CACNA1E: variants seen among roughly 807,000 people sequenced by gnomAD.
CACNA1E encodes the protein calcium voltage-gated channel subunit alpha1 E.
A neutral mutation model predicts 259.2 loss-of-function variants in CACNA1E; 40 were observed. The ratio of observed to expected loss-of-function variants is 0.15; its 90% CI spans 0.12 to 0.20. The LOEUF (loss-of-function observed/expected upper bound fraction) is 0.20, where lower values mean the gene tolerates loss of function less well. Among genes scored for constraint, CACNA1E ranks in the 10% least tolerant of loss-of-function variants. The probability of loss-of-function intolerance (pLI) is 1.00; values close to 1 mark genes in which losing one functional copy is unlikely to be tolerated. For synonymous variants in CACNA1E, 1,104 were observed against 1,138.5 expected, an observed-to-expected ratio of 0.97 and a Z score of 0.61; for missense variants, 1,874 against 3,040.1, an observed-to-expected ratio of 0.62 and a Z score of 9.02.
chr1:181,669,703 C>T (rs546485000), intron 7 of CACNA1E, among the ~76,000 whole-genome samples: 47 of 152,282 alleles, frequency 3.1e-4, no homozygotes, highest in Middle Eastern at 3.4e-3. Flanking sequence ...AAATCAAAGG[C>T]CAACTTCCTG....
At chr1:181,638,793 G>A (rs1444840164) in intron 6 of CACNA1E, among the ~76,000 whole-genome samples, 1 of 152,136 alleles carries the variant, frequency 6.6e-6, no homozygotes, top group Non-Finnish European at 1.5e-5. Flanking sequence ...ATAAGTGTTT[G>A]GTAGTTCCTC....
At chr1:181,393,579 C>T (rs1656447659) in intron 1 of CACNA1E, among the ~76,000 whole-genome samples, 1 of 152,178 alleles carries the variant, frequency 6.6e-6, no homozygotes, top group African/African-American at 2.4e-5. Context: ...CACCTCACTT[C>T]CTGAGTAGCT....
intron 3 of CACNA1E, among the ~76,000 whole-genome samples, chr1:181,570,356 C>A (rs992773081): frequency 8.5e-5 from 13 of 152,170 alleles, no homozygotes; most frequent in African/African-American, 3.1e-4. Context: ...GATGATGCAA[C>A]AACAGCAAGA....
At chr1:181,787,625 G>A (rs1041352662) in intron 43 of CACNA1E, among the ~76,000 whole-genome samples, 4 of 152,118 alleles carry the variant, frequency 2.6e-5, no homozygotes, top group African/African-American at 9.7e-5. Flanking sequence ...CAAAGAACAC[G>A]TCCCCATGGA....
intron 6 of CACNA1E, among the ~76,000 whole-genome samples, chr1:181,607,458 C>G (rs1654338764): frequency 6.6e-6 from 1 of 152,140 alleles, no homozygotes; most frequent in Admixed American, 6.5e-5. Context: ...GGTGGATGCA[C>G]CTTCCTCCCC....
At chr1:181,383,088 C>T (rs1655579469) in intron 1 of CACNA1E, among the ~76,000 whole-genome samples, 1 of 152,204 alleles carries the variant, frequency 6.6e-6, no homozygotes, top group Non-Finnish European at 1.5e-5. Context: ...GTAATGTGTT[C>T]TCCTTAATGG....
chr1:181,638,629 G>T (rs546183598), intron 6 of CACNA1E, among the ~76,000 whole-genome samples: 1 of 152,042 alleles, frequency 6.6e-6, no homozygotes, highest in South Asian at 2.1e-4. Context: ...CTGTGTCCCC[G>T]CCCAAAATCT....
intron 2 of CACNA1E, among the ~76,000 whole-genome samples, chr1:181,425,367 C>T (rs1571839886): frequency 6.6e-6 from 1 of 152,242 alleles, no homozygotes; most frequent in South Asian, 2.1e-4. Context: ...GGACCCATGG[C>T]TGCAAATGAG....
chr1:181,670,086 G>T (rs905452218), intron 7 of CACNA1E, among the ~76,000 whole-genome samples: 3 of 151,894 alleles, frequency 2.0e-5, no homozygotes, highest in Non-Finnish European at 4.4e-5. Context: ...TCTTTTTCTG[G>T]TCTATAGAAC....
chr1:181,608,590 C>T (rs78313101), intron 6 of CACNA1E, among the ~76,000 whole-genome samples: 4,213 of 152,112 alleles, frequency 0.028, 223 homozygotes, highest in African/African-American at 0.096. Flanking sequence ...GAATGGAGAG[C>T]GCTGGGTGAA....
intron 7 of CACNA1E, among the ~76,000 whole-genome samples, chr1:181,696,388 T>C (rs1053895543): frequency 1.3e-5 from 2 of 152,236 alleles, no homozygotes; most frequent in Non-Finnish European, 2.9e-5. Flanking sequence ...TTTCAGATTC[T>C]CTGCAAAATA....
At chr1:181,716,450 T>A (rs1229792577) in intron 10 of CACNA1E, among the ~76,000 whole-genome samples, 2 of 152,312 alleles carry the variant, frequency 1.3e-5, no homozygotes, top group South Asian at 4.1e-4. Flanking sequence ...GAGAACCCAC[T>A]ATGGGACATT....
chr1:181,797,661 C>T (rs746771671), intron 47 of CACNA1E, among the ~76,000 whole-genome samples: 11 of 152,154 alleles, frequency 7.2e-5, no homozygotes, highest in African/African-American at 1.9e-4. Context: ...GCAGGAGGTT[C>T]GTAGGTCACA....
chr1:181,384,864 A>G (rs887403109), intron 1 of CACNA1E, among the ~76,000 whole-genome samples: 1 of 152,044 alleles, frequency 6.6e-6, no homozygotes, highest in East Asian at 1.9e-4. Flanking sequence ...CATTGTGCAC[A>G]CGTACCCTAA....
intron 1 of CACNA1E, among the ~76,000 whole-genome samples, chr1:181,506,452 T>G (rs765351005): frequency 2.6e-5 from 4 of 152,232 alleles, no homozygotes; most frequent in Non-Finnish European, 4.4e-5. Flanking sequence ...TAATGGCTCC[T>G]TAGTGAATGC....
chr1:181,433,933 TA>T (rs1262312255), intron 2 of CACNA1E, among the ~76,000 whole-genome samples: 1 of 152,208 alleles, frequency 6.6e-6, no homozygotes, highest in Admixed American at 6.5e-5. Context: ...TTGACCAATG[TA>T]AAAAGCAATA....
intron 7 of CACNA1E, among the ~76,000 whole-genome samples, chr1:181,686,338 G>A (rs1273066871): frequency 7.5e-6 from 1 of 133,472 alleles, no homozygotes; most frequent in Non-Finnish European, 1.5e-5. Flanking sequence ...CCAGGCTGGA[G>A]TGCAATGATG....
intron 22 of CACNA1E, among the ~76,000 whole-genome samples, chr1:181,736,786 C>T (rs749367815): frequency 3.3e-5 from 5 of 152,166 alleles, no homozygotes; most frequent in Admixed American, 1.3e-4. Context: ...GTGGATAGAG[C>T]CAAGAATGTG....
At chr1:181,750,620 C>A in intron 26 of CACNA1E, 133 bp downstream of exon 26, 1 of 798,742 alleles carries the variant, frequency 1.3e-6, no homozygotes, top group Non-Finnish European at 2.1e-6. Flanking sequence ...TCCAAGGGAT[C>A]AAAATTAGGA....
Sources: gnomAD v4.1 joint callset for allele counts (sites outside exome capture counted in the v4.1 genomes callset) on GRCh38, gnomAD v4.1.1 for gene constraint, MANE v1.5 for transcripts, NCBI Gene and HGNC (gene_info 2026-07-23, HGNC 2026-07-21) for gene names.